SLC23A2: variants seen among roughly 807,000 people sequenced by gnomAD.
SLC23A2 encodes the protein solute carrier family 23 member 2.
Under a neutral mutation model 73.3 loss-of-function variants are expected in SLC23A2, and 36 were observed. That is an observed-to-expected ratio of 0.49 (90% CI 0.38 to 0.65). SLC23A2 has a LOEUF of 0.65. SLC23A2 is among the 30% of genes least tolerant of loss of function. The pLI, the probability that SLC23A2 is intolerant of heterozygous loss-of-function variation, is 0.00. For synonymous variants in SLC23A2, 343 were observed against 327.3 expected (o/e 1.05, Z -0.52); for missense variants, 507 against 841.6 (o/e 0.60, Z 4.92).
chr20:5,002,263 C>G (rs949283755), upstream of SLC23A2, among the ~76,000 whole-genome samples: 9 of 152,286 alleles, frequency 5.9e-5, no homozygotes, highest in African/African-American at 2.2e-4. Context: ...GCCCCACCCC[C>G]AGAGTTGCTA....
intron 1 of SLC23A2, among the ~76,000 whole-genome samples, chr20:4,973,167 A>G (rs917279873): frequency 6.6e-6 from 1 of 152,220 alleles, no homozygotes; most frequent in Non-Finnish European, 1.5e-5. Context: ...ATACAGATCA[A>G]ACTGCTTTGA....
In SLC23A2 at chr20:4,947,745, T is replaced by C. The variant is rs1245195293; in HGVS notation, c.-154-15029A>G. Among the ~76,000 whole-genome samples, 1 of 152,176 alleles carries C rather than the reference T, an allele frequency of 6.6e-6. No homozygotes were observed. The highest frequency in any genetic ancestry group is 1.5e-5 in the Non-Finnish European group (1 of 68,034). ...GAAGACAAACGTTGTTCGTGTTACC[T>C]TCCAAGCTAAGAGAACGAGACTCTG... is the stretch of plus-strand genomic sequence containing the variant. On this transcript the variant is annotated intron_variant, in intron 2 of 16. Coordinates refer to ENST00000338244, the MANE Select transcript of SLC23A2 (RefSeq NM_005116.6). The surrounding 1 kb of genome is among the most constrained non-coding windows in gnomAD (Gnocchi z 4.4).
At chr20:4,960,358 T>A in intron 2 of SLC23A2, among the ~76,000 whole-genome samples, 1 of 152,222 alleles carries the variant, frequency 6.6e-6, no homozygotes, top group East Asian at 1.9e-4. Flanking sequence ...TAATATTTAG[T>A]TGGTTGAAAC....
At chr20:5,008,089 T>C (rs2088210382) in intron 1 of SLC23A2, among the ~76,000 whole-genome samples, 1 of 152,110 alleles carries the variant, frequency 6.6e-6, no homozygotes, top group Non-Finnish European at 1.5e-5. Flanking sequence ...TTTGTATTTT[T>C]AGTAGAGATG....
At chr20:5,002,690 G>T (rs1175312661), upstream of SLC23A2, among the ~76,000 whole-genome samples, 1 of 152,192 alleles carries the variant, frequency 6.6e-6, no homozygotes, top group East Asian at 1.9e-4. Flanking sequence ...TGACAATAAT[G>T]TGTCTTCCCA....
chr20:4,886,829 G>A (rs556345200), intron 6 of SLC23A2, among the ~76,000 whole-genome samples: 62 of 152,258 alleles, frequency 4.1e-4, no homozygotes, highest in African/African-American at 1.4e-3. Context: ...ATCCTGAAAT[G>A]CCCCAGAGAG....
At position 4,902,448 on chromosome 20, in the gene SLC23A2, C is replaced by G. The variant is rs774857905; in HGVS notation, c.318G>C (p.Gly106=). 6.4e-7 allele frequency: 1 copy of G among 1,563,016 alleles called. No homozygotes were observed. Among genetic ancestry groups the G allele is most frequent in the Non-Finnish European group, 8.8e-7 (1 of 1,136,920 alleles). ...CCTACAGGAACCATCTTACCTGTAG[C>G]CCCAGAAATATACACAGGTACCAGG... The part of the protein sequence containing the change: ...VPPWYLCIFL[G]LQHYLTCFSG... Residue 106 remains glycine (G), a synonymous_variant, in exon 5 of 17, where the codon GGG becomes GGC. Coordinates refer to ENST00000338244, the MANE Select transcript of SLC23A2 (RefSeq NM_005116.6). The surrounding 1 kb of genome is among the most constrained non-coding windows in gnomAD (Gnocchi z 4.0).
chr20:4,989,016 C>T (rs1170563923), intron 1 of SLC23A2, among the ~76,000 whole-genome samples: 4 of 151,878 alleles, frequency 2.6e-5, no homozygotes, highest in African/African-American at 7.3e-5. Flanking sequence ...GCGGGTGGAT[C>T]ACAAGGTCAG....
intron 1 of SLC23A2, among the ~76,000 whole-genome samples, chr20:4,990,230 T>C (rs1184964955): frequency 6.6e-6 from 1 of 152,136 alleles, no homozygotes; most frequent in Non-Finnish European, 1.5e-5. Context: ...TTATAAAACA[T>C]ACAGACTGGC....
At chr20:4,926,479 A>AG (rs1932672729) in intron 3 of SLC23A2, among the ~76,000 whole-genome samples, 1 of 142,584 alleles carries the variant, frequency 7.0e-6, no homozygotes, top group Non-Finnish European at 1.5e-5. Flanking sequence ...CAATGTCCCT[A>AG]GGGTACGATC....
At chr20:4,912,393 A>G (rs73893862) in intron 4 of SLC23A2, among the ~76,000 whole-genome samples, 2 of 152,102 alleles carry the variant, frequency 1.3e-5, no homozygotes, top group African/African-American at 4.8e-5. Context: ...TTTACTGCAC[A>G]TGTATCTGTA....
intron 2 of SLC23A2, among the ~76,000 whole-genome samples, chr20:4,951,145 A>G (rs114498479): frequency 2.9e-4 from 44 of 152,374 alleles, no homozygotes; most frequent in African/African-American, 1.0e-3. Flanking sequence ...TTGTTGCAGG[A>G]GCCAAAAGAA....
intron 12 of SLC23A2, 115 bp from the exon 13 acceptor site, chr20:4,867,990 A>AGGAGATGTGGAAGCTG: frequency 1.6e-6 from 1 of 610,510 alleles, no homozygotes; most frequent in Non-Finnish European, 2.9e-6. Flanking sequence ...TGCAGCTTCC[A>AGGAGATGTGGAAGCTG]CATCTCCTGG....
Position 4,899,785 on chromosome 20 carries a change from T to C in SLC23A2, c.325-73A>G. 6.8e-7 allele frequency: 1 copy of C among 1,468,528 alleles called. No homozygotes were observed. The highest frequency in any genetic ancestry group is 9.4e-7 in the Non-Finnish European group (1 of 1,060,188). 91.0% of individuals were successfully genotyped at this position (1,468,528 alleles called of 1,614,324 possible). A position where few individuals can be genotyped will look rare whatever the true frequency, so the allele number is the denominator to read the frequency against. ...TTTATTCTTGATTTCATCCTAATTC[T>C]TCTCTCTTATTGTCGTTAAAAAATA... On this transcript the variant is annotated intron_variant, in intron 5 of 16. Transcript: ENST00000338244. This position sits in a 1 kb window ranked among gnomAD's most constrained non-coding sequence, Gnocchi z 4.9.
chr20:4,950,047 A>G (rs898136774), intron 2 of SLC23A2, among the ~76,000 whole-genome samples: 3 of 152,186 alleles, frequency 2.0e-5, no homozygotes, highest in Non-Finnish European at 4.4e-5. Context: ...TAGAAATGCT[A>G]TTTGTGTTAC....
Position 4,893,530 on chromosome 20 carries a change from T to G in SLC23A2, c.482+6025A>C, listed in dbSNP as rs2122852161. On this transcript the variant is annotated intron_variant, in intron 6 of 16. Coordinates refer to ENST00000338244, the MANE Select transcript of SLC23A2 (RefSeq NM_005116.6). ...AATCATGAGTTCGAAGTCCCCAGAT[T>G]TAAGACCTTCAAGTCTCCTGGAGCC... Among the ~76,000 whole-genome samples, 3 of 152,232 alleles carry G rather than the reference T, an allele frequency of 2.0e-5. 1 individual carries two copies. In the South Asian group the frequency reaches 6.2e-4, roughly 32 times the overall value.
chr20:4,994,030 C>T (rs1193940232), intron 1 of SLC23A2, among the ~76,000 whole-genome samples: 1 of 152,098 alleles, frequency 6.6e-6, no homozygotes, highest in African/African-American at 2.4e-5. Context: ...GCAGAAGCTG[C>T]AAGTGAGCAG....
intron 1 of SLC23A2, among the ~76,000 whole-genome samples, chr20:4,994,188 T>C (rs2087979006): frequency 6.6e-6 from 1 of 152,200 alleles, no homozygotes; most frequent in South Asian, 2.1e-4. Context: ...GGGCCAGAGT[T>C]ACATGGTCTC....
In SLC23A2 at chr20:4,869,948, C is replaced by T. The variant is rs769611937; in HGVS notation, c.1208G>A (p.Arg403Gln). ...ESIGDYYACARLSCAPPPPIH... is the reference protein window; with the variant it reads ...ESIGDYYACAQLSCAPPPPIH... ...GGGGGGGGGTGGGGCACAGGACAGC[C>T]GTGCACAGGCGTAGTAGTCACCAAT... Residue 403 changes from arginine to glutamine, a missense_variant, in exon 12 of 17, where the codon CGG becomes CAG. Coordinates refer to ENST00000338244, the MANE Select transcript of SLC23A2 (RefSeq NM_005116.6). 5.0e-6 allele frequency: 8 copies of T among 1,613,664 alleles called. No individual in the cohort carries two copies. The highest frequency in any genetic ancestry group is 6.8e-6 in the Non-Finnish European group (8 of 1,179,712).
Sources: gnomAD v4.1 joint callset for allele counts (sites outside exome capture counted in the v4.1 genomes callset) on GRCh38, gnomAD v4.1.1 for gene constraint, Gnocchi (gnomAD v3.1) non-coding constraint, MANE v1.5 for transcripts, NCBI Gene and HGNC (gene_info 2026-07-23, HGNC 2026-07-21) for gene names.